ATP10D: variants seen among roughly 807,000 people sequenced by gnomAD.
The protein encoded by ATP10D is phospholipid-transporting ATPase VD.
Under a neutral mutation model 144.8 loss-of-function variants are expected in ATP10D, and 89 were observed. That is an observed-to-expected ratio of 0.61 (90% CI 0.52 to 0.73). ATP10D has a LOEUF of 0.73. ATP10D is among the 30% of genes least tolerant of loss of function. The pLI, the probability that ATP10D is intolerant of heterozygous loss-of-function variation, is 0.00. For synonymous variants in ATP10D, 571 were observed against 615.1 expected (o/e 0.93, Z 1.06); for missense variants, 1,603 against 1,714.8 (o/e 0.93, Z 1.15).
rs749654029 is a variant in ATP10D at position 47,558,237 on chromosome 4, T to G, written c.2398T>G (p.Ser800Ala). 19 of 1,614,114 alleles carry G rather than the reference T, an allele frequency of 1.2e-5. No homozygotes were observed. The East Asian group carries it at 4.2e-4, about 36-fold the overall frequency. Reference sequence around the variant, plus strand: ...TGTGGTGTATACGAAAGGCGCTGATTCTGTGATCATGGAGTTACTGTCGGT... The same window carrying G: ...TGTGGTGTATACGAAAGGCGCTGATGCTGTGATCATGGAGTTACTGTCGGT... ...QVVVYTKGAD[S>A]VIMELLSVAS... The change falls in exon 12 of 23, where the codon TCT becomes GCT. Residue 800 changes from serine to alanine, a missense_variant. Ser to Ala is a moderately conservative substitution (Grantham distance 99, BLOSUM62 1). Transcript: ENST00000273859.
At chr4:47,505,948 A>G (rs967356265) in intron 1 of ATP10D, among the ~76,000 whole-genome samples, 1 of 152,142 alleles carries the variant, frequency 6.6e-6, no homozygotes, top group Non-Finnish European at 1.5e-5. Flanking sequence ...AGAATTCATT[A>G]TCCTGTATTT....
chr4:47,536,349 C>A, intron 7 of ATP10D, 88 bp from the exon 8 acceptor site: 2 of 1,494,708 alleles, frequency 1.3e-6, no homozygotes, highest in South Asian at 1.3e-5. Flanking sequence ...AAAATGAATA[C>A]TCTCATTCCT....
At chr4:47,500,492 A>G (rs995358911) in intron 1 of ATP10D, among the ~76,000 whole-genome samples, 4 of 152,232 alleles carry the variant, frequency 2.6e-5, no homozygotes, top group African/African-American at 4.8e-5. Flanking sequence ...AAGATTCTGG[A>G]TATAGTTTAA....
Position 47,569,136 on chromosome 4 carries a change from C to T in ATP10D, c.3153C>T (p.Thr1051=), listed in dbSNP as rs759199841. The T allele has an allele frequency of 1.2e-6, 2 of 1,612,576 alleles. No individual in the cohort carries two copies. Among genetic ancestry groups the T allele is most frequent in the Admixed American group, 1.7e-5 (1 of 59,988 alleles). Residue 1051 remains threonine, a synonymous_variant, in exon 16 of 23, where the codon ACC becomes ACT. Coordinates refer to ENST00000273859, the MANE Select transcript of ATP10D (RefSeq NM_020453.4). ...TCCGCAGCCATCTCCAGGTGATGAC[C>T]CTTGCTATTGGTGAGTGAGGATGAA... The part of the protein sequence containing the change: ...KLVRSHLQVM[T]LAIGDGANDV...
chr4:47,570,569 T>A (rs946721454), intron 16 of ATP10D, among the ~76,000 whole-genome samples: 1 of 151,966 alleles, frequency 6.6e-6, no homozygotes, highest in African/African-American at 2.4e-5. Context: ...TTTGGGAGGC[T>A]GAGGTGGGTG....
Position 47,546,667 on chromosome 4 carries a change from A to C in ATP10D, c.1440A>C (p.Glu480Asp). The change falls in exon 10 of 23, where the codon GAA becomes GAC. Residue 480 changes from glutamate (E) to aspartate (D), a missense_variant. Physicochemically the swap from Glu to Asp is conservative, Grantham distance 45 (BLOSUM62 2). Transcript: ENST00000273859. Reference sequence around the variant, plus strand: ...ATCAGGAAGCTGTCTCTGAAGATGAAGATTTTATAGACACAGTCAGTGGTT... The same window carrying C: ...ATCAGGAAGCTGTCTCTGAAGATGACGATTTTATAGACACAGTCAGTGGTT... Reference protein sequence around the residue: ...ESYQEAVSEDEDFIDTVSGSL... With the variant: ...ESYQEAVSEDDDFIDTVSGSL... 1 of 1,614,064 alleles carries C rather than the reference A, an allele frequency of 6.2e-7. No homozygotes were observed. The highest frequency in any genetic ancestry group is 8.5e-7 in the Non-Finnish European group (1 of 1,179,952).
intron 1 of ATP10D, 102 bp from the exon 2 acceptor site, chr4:47,512,402 A>G (rs545183629): frequency 2.7e-6 from 2 of 734,128 alleles, no homozygotes; most frequent in Non-Finnish European, 2.2e-6. Flanking sequence ...ATGTTGAACC[A>G]TTGGGTCATA....
chr4:47,528,261 T>C (rs971382436), intron 5 of ATP10D, among the ~76,000 whole-genome samples: 5 of 151,998 alleles, frequency 3.3e-5, no homozygotes, highest in Admixed American at 6.6e-5. Context: ...CTCCTTTCTT[T>C]TGGAGTCCCC....
At chr4:47,499,245 A>G (rs569966999) in intron 1 of ATP10D, among the ~76,000 whole-genome samples, 1 of 152,320 alleles carries the variant, frequency 6.6e-6, no homozygotes, top group South Asian at 2.1e-4. Context: ...CATGGAGTTC[A>G]CATAGGAATT....
At chr4:47,586,287 G>C (rs1417755910) in intron 21 of ATP10D, among the ~76,000 whole-genome samples, 2 of 152,184 alleles carry the variant, frequency 1.3e-5, no homozygotes, top group Admixed American at 1.3e-4. Flanking sequence ...AATATTGCAA[G>C]ATATACATGA....
chr4:47,592,194 C>T lies in ATP10D; in HGVS notation c.*813C>T, dbSNP rs1011003088. The T allele has an allele frequency of 6.6e-6, 1 of 152,528 alleles. No homozygotes were observed. Among genetic ancestry groups the T allele is most frequent in the Non-Finnish European group, 1.5e-5 (1 of 67,996 alleles). 9.4% of individuals were successfully genotyped at this position (152,528 alleles called of 1,614,324 possible). On this transcript the variant is annotated 3_prime_UTR_variant, in exon 23 of 23. Transcript: ENST00000273859. The stretch of plus-strand genomic sequence containing the variant: ...GCCATAGGTCAGGCAGACATCAGCT[C>T]AGCCTGTGGCCCATTGGGTGATTTC...
chr4:47,495,514 T>C (rs921060572), intron 1 of ATP10D, among the ~76,000 whole-genome samples: 13 of 152,086 alleles, frequency 8.5e-5, no homozygotes, highest in African/African-American at 2.9e-4. Context: ...AAAAAAAACA[T>C]GGAGAGTATA....
At chr4:47,503,735 A>G (rs1317052386) in intron 1 of ATP10D, among the ~76,000 whole-genome samples, 2 of 152,008 alleles carry the variant, frequency 1.3e-5, no homozygotes, top group African/African-American at 2.4e-5. Flanking sequence ...TGTCTCTACA[A>G]AAGAAAATAA....
chr4:47,548,773 G>A (rs555296559), intron 10 of ATP10D, among the ~76,000 whole-genome samples: 6 of 152,154 alleles, frequency 3.9e-5, no homozygotes, highest in African/African-American at 1.2e-4. Flanking sequence ...CTTCCTCAAT[G>A]TATAAGATTA....
chr4:47,557,170 A>T (rs937920611), intron 11 of ATP10D, among the ~76,000 whole-genome samples: 4 of 151,980 alleles, frequency 2.6e-5, no homozygotes, highest in African/African-American at 9.7e-5. Flanking sequence ...ATTATATAAC[A>T]TTTCAAGATG....
intron 1 of ATP10D, chr4:47,491,600 C>T: frequency 3.1e-6 from 1 of 326,626 alleles, no homozygotes; most frequent in Non-Finnish European, 5.7e-6. Flanking sequence ...GTCAGGGCTT[C>T]AGTTTGGTCC....
At chr4:47,496,314 C>T (rs28594282) in intron 1 of ATP10D, among the ~76,000 whole-genome samples, 17,269 of 151,754 alleles carry the variant, frequency 0.11, 1,096 homozygotes, top group African/African-American at 0.14. Flanking sequence ...TGGGCCACCA[C>T]GCCCGGCTAA....
chr4:47,514,626 T>C, intron 2 of ATP10D, among the ~76,000 whole-genome samples: 1 of 152,172 alleles, frequency 6.6e-6, no homozygotes, highest in Non-Finnish European at 1.5e-5. Flanking sequence ...GGAGAAGTAT[T>C]TGAATATATA....
At chr4:47,518,692 C>T (rs1180277491) in intron 3 of ATP10D, among the ~76,000 whole-genome samples, 2 of 152,140 alleles carry the variant, frequency 1.3e-5, no homozygotes, top group Non-Finnish European at 2.9e-5. Flanking sequence ...ATGAGAACTT[C>T]AGTAGCCATC....
Sources: allele counts gnomAD v4.1 joint callset (sites outside exome capture counted in the v4.1 genomes callset), GRCh38; gene constraint gnomAD v4.1.1; transcripts MANE v1.5; gene names NCBI Gene and HGNC (gene_info 2026-07-23, HGNC 2026-07-21).